Variants in STAM observed in about 807,000 individuals in gnomAD.
STAM encodes signal transducing adaptor molecule, also known as signal transducing adapter molecule 1.
In STAM, 16 loss-of-function variants were observed where a neutral mutation model predicts 63.4. That is an observed-to-expected ratio of 0.25 (90% CI 0.17 to 0.38). STAM has a LOEUF of 0.38. STAM is among the 10% of genes least tolerant of loss of function. The pLI is 1.00. For missense variants in STAM, 636 were observed against 657.1 expected (o/e 0.97, Z 0.35); for synonymous variants, 238 against 223.9 (o/e 1.06, Z -0.56).
chr10:17,702,881 G>A (rs782157014), intron 9 of STAM, among the ~76,000 whole-genome samples: 47 of 151,938 alleles, frequency 3.1e-4, no homozygotes, highest in Non-Finnish European at 6.0e-4. Flanking sequence ...GGTGGTGTGC[G>A]CTTGTAATCC....
rs565009334 is a variant in STAM, at chr10:17,694,462, A to G, written c.536-587A>G. On this transcript the variant is annotated intron_variant, in intron 6 of 13. Coordinates refer to ENST00000377524, the MANE Select transcript of STAM (RefSeq NM_003473.4). Reference sequence around the variant, plus strand: ...TGTTGAATTGAAAGCAGGATAATCAATGCACTGATATTACATTTCAGAGCC... The same window carrying G: ...TGTTGAATTGAAAGCAGGATAATCAGTGCACTGATATTACATTTCAGAGCC... Among the ~76,000 whole-genome samples the G allele has an allele frequency of 7.2e-5, 11 of 152,322 alleles. No individual in the cohort carries two copies. In the East Asian group the frequency reaches 1.5e-3, roughly 21 times the overall value.
chr10:17,715,972 TG>T lies in STAM; in HGVS notation c.*1195del, dbSNP rs1554830865. On this transcript the variant is annotated 3_prime_UTR_variant, in exon 14 of 14. Transcript: ENST00000377524. The stretch of plus-strand genomic sequence containing the variant: ...ATTGTTTTCTTTCACACTGGATTTT[TG>T]GGTTGCTCTTTCTGGCCTTTTAAAA... 1.3e-5 allele frequency: 2 copies of T among 152,622 alleles called. No individual in the cohort carries two copies. Among genetic ancestry groups the T allele is most frequent in the Admixed American group, 6.5e-5 (1 of 15,282 alleles). 9.5% of individuals were successfully genotyped at this position (152,622 alleles called of 1,614,324 possible). A position where few individuals can be genotyped will look rare whatever the true frequency, so the allele number is the denominator to read the frequency against.
At chr10:17,712,300 C>T (rs539864729) in intron 13 of STAM, among the ~76,000 whole-genome samples, 2 of 152,286 alleles carry the variant, frequency 1.3e-5, no homozygotes, top group East Asian at 1.9e-4. Context: ...CTAAACCAGA[C>T]ATTCTGACTC....
intron 1 of STAM, among the ~76,000 whole-genome samples, chr10:17,657,350 C>G (rs539073182): frequency 2.0e-5 from 3 of 152,136 alleles, no homozygotes; most frequent in Non-Finnish European, 2.9e-5. Context: ...CTGCCCTGCT[C>G]GTACCTGTCT....
At chr10:17,663,026 G>A (rs1300225870) in intron 2 of STAM, among the ~76,000 whole-genome samples, 9 of 152,002 alleles carry the variant, frequency 5.9e-5, no homozygotes, top group African/African-American at 1.9e-4. Flanking sequence ...TTTTGTAGAC[G>A]CTTTCTGTAA....
At chr10:17,689,545 G>A (rs1835441652) in intron 5 of STAM, among the ~76,000 whole-genome samples, 1 of 152,160 alleles carries the variant, frequency 6.6e-6, no homozygotes, top group Non-Finnish European at 1.5e-5. Context: ...ATTCATAACT[G>A]ATAGCTGGTT....
intron 8 of STAM, among the ~76,000 whole-genome samples, chr10:17,698,421 C>CT (rs36053695): frequency 0.1 from 14,150 of 141,950 alleles, 788 homozygotes; most frequent in Middle Eastern, 0.14. Flanking sequence ...GCCATTTCAT[C>CT]TTTTTTTTTT....
intron 5 of STAM, among the ~76,000 whole-genome samples, chr10:17,692,023 C>T (rs1459766941): frequency 1.3e-5 from 2 of 152,148 alleles, no homozygotes; most frequent in African/African-American, 4.8e-5. Context: ...TGAATGAGCC[C>T]ATCTCATCTG....
At chr10:17,690,850 A>C (rs1288570845) in intron 5 of STAM, among the ~76,000 whole-genome samples, 3 of 152,226 alleles carry the variant, frequency 2.0e-5, no homozygotes, top group African/African-American at 7.2e-5. Flanking sequence ...CCGCTACCGT[A>C]GTTGGCTGCT....
In STAM at chr10:17,695,046, T is replaced by C; in HGVS notation, c.536-3T>C. 6.2e-7 allele frequency: 1 copy of C among 1,611,870 alleles called. No homozygotes were observed. The highest frequency in any genetic ancestry group is 1.1e-5 in the South Asian group (1 of 90,586). On this transcript the variant is annotated splice_polypyrimidine_tract_variant and splice_region_variant and intron_variant, in intron 6 of 13. Coordinates refer to ENST00000377524, the MANE Select transcript of STAM (RefSeq NM_003473.4). ...GGGTCTTTAAAAACTCATTGTTTTC[T>C]AGCCATTGAGTTGTCTCTCAAGGAA... is the stretch of plus-strand genomic sequence containing the variant.
chr10:17,680,337 A>T (rs1237344005), intron 2 of STAM, among the ~76,000 whole-genome samples: 2 of 152,084 alleles, frequency 1.3e-5, no homozygotes, highest in Non-Finnish European at 2.9e-5. Context: ...TTAAACAATT[A>T]AACAATAACT....
intron 2 of STAM, among the ~76,000 whole-genome samples, chr10:17,671,619 G>A (rs1420355171): frequency 1.3e-5 from 2 of 152,324 alleles, no homozygotes; most frequent in South Asian, 4.1e-4. Context: ...GTAACTAGCA[G>A]GGATCAGGGA....
intron 13 of STAM, among the ~76,000 whole-genome samples, chr10:17,711,660 T>C (rs1434423864): frequency 6.6e-6 from 1 of 152,104 alleles, no homozygotes; most frequent in East Asian, 1.9e-4. Flanking sequence ...ATGGTACCCA[T>C]GGAGTGAGCA....
At chr10:17,686,737 C>G (rs1159088442) in intron 4 of STAM, among the ~76,000 whole-genome samples, 1 of 152,292 alleles carries the variant, frequency 6.6e-6, no homozygotes, top group Non-Finnish European at 1.5e-5. Context: ...TGTATAGTCT[C>G]AATAAAGCGT....
chr10:17,656,726 T>G (rs1415920862), intron 1 of STAM, among the ~76,000 whole-genome samples: 8 of 152,146 alleles, frequency 5.3e-5, no homozygotes, highest in Non-Finnish European at 8.8e-5. Flanking sequence ...TCTGCACCAA[T>G]CTCAGTTCTT....
At chr10:17,685,069 TTA>T (rs1835240753) in intron 4 of STAM, 142 bp downstream of exon 4, 1 of 636,034 alleles carries the variant, frequency 1.6e-6, no homozygotes, top group Non-Finnish European at 2.5e-6. Flanking sequence ...TAAATAAATA[TTA>T]TGTTTTGTTG....
At chr10:17,682,880 A>G (rs1026775181) in intron 2 of STAM, among the ~76,000 whole-genome samples, 9 of 152,050 alleles carry the variant, frequency 5.9e-5, no homozygotes, top group Non-Finnish European at 1.2e-4. Context: ...TTTCGGCTGT[A>G]TCGATGTTTC....
chr10:17,702,556 T>A (rs1264855020), intron 9 of STAM, among the ~76,000 whole-genome samples: 4 of 152,236 alleles, frequency 2.6e-5, no homozygotes, highest in Non-Finnish European at 4.4e-5. Context: ...AGAAATGAGA[T>A]GTTATCTTTG....
At chr10:17,675,791 C>G (rs1465555253) in intron 2 of STAM, among the ~76,000 whole-genome samples, 3 of 150,164 alleles carry the variant, frequency 2.0e-5, no homozygotes, top group African/African-American at 7.3e-5. Flanking sequence ...TTCTTTGGTA[C>G]CTATTGAATT....
Sources: allele counts gnomAD v4.1 joint callset (sites outside exome capture counted in the v4.1 genomes callset), GRCh38; gene constraint gnomAD v4.1.1; transcripts MANE v1.5; gene names NCBI Gene and HGNC (gene_info 2026-07-23, HGNC 2026-07-21).